PTPRD: variants seen among roughly 807,000 people sequenced by gnomAD.
PTPRD encodes the protein receptor-type tyrosine-protein phosphatase delta.
Under a neutral mutation model 214.5 loss-of-function variants are expected in PTPRD, and 34 were observed. The ratio of observed to expected loss-of-function variants is 0.16; its 90% confidence interval spans 0.12 to 0.21. The LOEUF is 0.21. PTPRD is among the 10% of genes least tolerant of loss of function. PTPRD has a pLI of 1.00. For missense variants in PTPRD, 2,545 were observed against 2,398.7 expected (o/e 1.06, Z -1.27); for synonymous variants, 1,128 against 845.7 (o/e 1.33, Z -5.79).
intron 3 of PTPRD, among the ~76,000 whole-genome samples, chr9:10,195,148 C>G (rs1471002410): frequency 7.6e-6 from 1 of 132,264 alleles, no homozygotes; most frequent in Non-Finnish European, 1.6e-5. Flanking sequence ...CAGGGTTTCA[C>G]TATGTTGGCC....
At chr9:8,793,757 G>C (rs928823270) in intron 11 of PTPRD, among the ~76,000 whole-genome samples, 3 of 152,082 alleles carry the variant, frequency 2.0e-5, no homozygotes, top group African/African-American at 7.2e-5. Context: ...AATAACGCAA[G>C]TGCTTTATTT....
At chr9:10,153,699 C>T (rs1375637798) in intron 3 of PTPRD, among the ~76,000 whole-genome samples, 2 of 152,112 alleles carry the variant, frequency 1.3e-5, no homozygotes, top group Non-Finnish European at 2.9e-5. Context: ...CCACCCTTCA[C>T]CCTCTGGGAG....
chr9:9,286,134 T>C (rs2133852029), intron 9 of PTPRD, among the ~76,000 whole-genome samples: 1 of 151,982 alleles, frequency 6.6e-6, no homozygotes, highest in Non-Finnish European at 1.5e-5. Flanking sequence ...TATCCTCTTC[T>C]TTCTCCCACT....
chr9:9,348,418 C>T (rs975501787), intron 9 of PTPRD, among the ~76,000 whole-genome samples: 1 of 152,102 alleles, frequency 6.6e-6, no homozygotes, highest in African/African-American at 2.4e-5. Flanking sequence ...TATCCAGTCA[C>T]AATGCTCAAT....
At chr9:10,412,413 C>G (rs2098445265) in intron 2 of PTPRD, among the ~76,000 whole-genome samples, 2 of 151,520 alleles carry the variant, frequency 1.3e-5, no homozygotes, top group African/African-American at 4.8e-5. Flanking sequence ...AAAACTGAAT[C>G]AGTAATAAGT....
chr9:9,318,797 T>C (rs1457431744), intron 9 of PTPRD, among the ~76,000 whole-genome samples: 3 of 152,196 alleles, frequency 2.0e-5, no homozygotes, highest in Non-Finnish European at 4.4e-5. Flanking sequence ...ATATGTGTAC[T>C]GAAGTTCACA....
chr9:10,517,174 C>A (rs1041115217), intron 2 of PTPRD, among the ~76,000 whole-genome samples: 2 of 152,036 alleles, frequency 1.3e-5, no homozygotes, highest in African/African-American at 2.4e-5. Context: ...GACATGTAAA[C>A]AGTATCCAGT....
intron 33 of PTPRD, among the ~76,000 whole-genome samples, chr9:8,452,822 C>A (rs1300370125): frequency 6.6e-6 from 1 of 152,010 alleles, no homozygotes; most frequent in African/African-American, 2.4e-5. Context: ...TTTCACCAGG[C>A]TCTCATCTGG....
chr9:8,318,004 A>G lies in PTPRD; in HGVS notation c.5671-62T>C, dbSNP rs1282516407. 2.7e-6 allele frequency: 4 copies of G among 1,509,212 alleles called. No homozygotes were observed. In the Admixed American group the frequency reaches 5.1e-5, roughly 19 times the overall value. 93.5% of individuals were successfully genotyped at this position (1,509,212 alleles called of 1,614,324 possible). ...GGACCATGAGCATATTTTAATAGAA[A>G]AATAAAAATCAATATTGCATAACAA... On this transcript the variant is annotated intron_variant, in intron 45 of 45. Coordinates refer to ENST00000381196, the MANE Select transcript of PTPRD (RefSeq NM_002839.4).
Position 8,315,737 on chromosome 9 carries a change from G to GA in PTPRD, c.*2136dup, listed in dbSNP as rs1449752702. The GA allele has an allele frequency of 1.7e-5, 4 of 228,932 alleles. No individual in the cohort carries two copies. The highest frequency in any genetic ancestry group is 3.5e-5 in the Non-Finnish European group (4 of 115,338). 14.2% of individuals were successfully genotyped at this position (228,932 alleles called of 1,614,324 possible). On this transcript the variant is annotated 3_prime_UTR_variant, in exon 46 of 46. Transcript: ENST00000381196. ...TTGGATTTCACTCTGCTAGCAATGG[G>GA]AAAATGTGGAAAACAAAAATCCTTC...
intron 3 of PTPRD, among the ~76,000 whole-genome samples, chr9:10,169,423 G>C (rs1287798285): frequency 7.2e-6 from 1 of 139,336 alleles, no homozygotes; most frequent in Non-Finnish European, 1.5e-5. Context: ...GCAGTGAGCA[G>C]AGATCGCGCC....
intron 3 of PTPRD, among the ~76,000 whole-genome samples, chr9:10,327,912 G>C (rs1460526115): frequency 6.6e-6 from 1 of 151,612 alleles, no homozygotes; most frequent in East Asian, 1.9e-4. Flanking sequence ...AACAAGATTT[G>C]GGTCCTTGCA....
chr9:10,339,608 T>A (rs971244531), intron 3 of PTPRD, among the ~76,000 whole-genome samples: 2 of 151,680 alleles, frequency 1.3e-5, no homozygotes, highest in African/African-American at 4.8e-5. Flanking sequence ...ATTCTACCAA[T>A]ACTTATGAAG....
intron 35 of PTPRD, among the ~76,000 whole-genome samples, chr9:8,425,284 T>G (rs1356463866): frequency 1.3e-5 from 2 of 152,192 alleles, no homozygotes; most frequent in Non-Finnish European, 1.5e-5. Flanking sequence ...ACGTACTCAT[T>G]TGGTCCCTCA....
At chr9:9,740,687 G>A (rs1368207696) in intron 6 of PTPRD, among the ~76,000 whole-genome samples, 1 of 152,056 alleles carries the variant, frequency 6.6e-6, no homozygotes, top group African/African-American at 2.4e-5. Flanking sequence ...TTCTTTCTAA[G>A]TAGGTTTTGT....
chr9:10,471,803 A>G (rs1365196694), intron 2 of PTPRD, among the ~76,000 whole-genome samples: 1 of 152,116 alleles, frequency 6.6e-6, no homozygotes. Flanking sequence ...AAATATTTAT[A>G]AAATCAATTT....
intron 3 of PTPRD, among the ~76,000 whole-genome samples, chr9:10,274,718 A>C (rs10958994): frequency 0.092 from 13,941 of 152,204 alleles, 692 homozygotes; most frequent in Non-Finnish European, 0.11. Context: ...TGAGTTTTGA[A>C]ATAAAGAAAA....
At chr9:9,136,021 G>A (rs77417229) in intron 10 of PTPRD, among the ~76,000 whole-genome samples, 5,873 of 152,076 alleles carry the variant, frequency 0.039, 246 homozygotes, top group African/African-American at 0.092. Flanking sequence ...ATACACACAT[G>A]CACACACACA....
intron 3 of PTPRD, among the ~76,000 whole-genome samples, chr9:10,232,247 G>T (rs542054092): frequency 8.6e-4 from 130 of 151,928 alleles, no homozygotes; most frequent in African/African-American, 3.0e-3. Context: ...TCCGGTTCAG[G>T]TATTCTGTTA....
Sources: gnomAD v4.1 joint callset for allele counts (sites outside exome capture counted in the v4.1 genomes callset) on GRCh38, gnomAD v4.1.1 for gene constraint, MANE v1.5 for transcripts, NCBI Gene and HGNC (gene_info 2026-07-23, HGNC 2026-07-21) for gene names.